Variants in GULP1 observed in about 807,000 individuals in gnomAD.
The protein encoded by GULP1 is PTB domain-containing engulfment adapter protein 1.
In GULP1, 19 loss-of-function variants were observed where a neutral mutation model predicts 40.9. The observed-to-expected ratio is 0.46, with a 90% confidence interval of 0.32 to 0.68. The LOEUF (loss-of-function observed/expected upper bound fraction) is 0.68. Among genes scored for constraint, GULP1 ranks in the 30% least tolerant of loss-of-function variants. The pLI is 0.03. For synonymous variants in GULP1, 119 were observed against 117.6 expected (o/e 1.01, Z -0.08); for missense variants, 312 against 362.2 (o/e 0.86, Z 1.12).
chr2:188,416,386 G>A (rs543212718), intron 2 of GULP1, among the ~76,000 whole-genome samples: 70 of 152,186 alleles, frequency 4.6e-4, no homozygotes, highest in African/African-American at 1.7e-3. Context: ...TTCAATGACT[G>A]AAATCACTGA....
intron 9 of GULP1, among the ~76,000 whole-genome samples, chr2:188,582,813 T>C (rs1010105080): frequency 7.2e-5 from 11 of 152,144 alleles, no homozygotes; most frequent in Non-Finnish European, 4.4e-5. Context: ...GATGTTGCAG[T>C]TGGGAAATTA....
chr2:188,478,778 T>A (rs1288869648), intron 3 of GULP1, among the ~76,000 whole-genome samples: 3 of 152,158 alleles, frequency 2.0e-5, no homozygotes, highest in African/African-American at 7.2e-5. Context: ...TCAAAGGCTC[T>A]GTGTCATTTT....
At chr2:188,435,532 A>G (rs2057326036) in intron 2 of GULP1, among the ~76,000 whole-genome samples, 2 of 152,046 alleles carry the variant, frequency 1.3e-5, no homozygotes, top group African/African-American at 4.8e-5. Flanking sequence ...ATGCCACATG[A>G]TACACTTGGC....
chr2:188,584,656 A>G (rs984128861), intron 10 of GULP1, among the ~76,000 whole-genome samples: 2 of 151,814 alleles, frequency 1.3e-5, no homozygotes, highest in South Asian at 4.2e-4. Context: ...GTATTACTTC[A>G]TATTTAATTA....
At chr2:188,304,118 A>G (rs920266756) in intron 1 of GULP1, among the ~76,000 whole-genome samples, 4 of 152,144 alleles carry the variant, frequency 2.6e-5, no homozygotes, top group African/African-American at 9.7e-5. Flanking sequence ...AAGAGTTTGG[A>G]AATTATAGTA....
chr2:188,348,124 TGA>T (rs2043944044), intron 1 of GULP1, among the ~76,000 whole-genome samples: 1 of 152,188 alleles, frequency 6.6e-6, no homozygotes, highest in Admixed American at 6.5e-5. Flanking sequence ...ATAAAGCAAT[TGA>T]AAAACGTGTT....
chr2:188,589,652 A>G (rs1703119394), intron 11 of GULP1: 1 of 596,948 alleles, frequency 1.7e-6, no homozygotes, highest in Non-Finnish European at 2.8e-6. Context: ...GGTGACACTC[A>G]ATGTTAAACC....
chr2:188,523,869 A>G (rs572764876), intron 5 of GULP1, among the ~76,000 whole-genome samples: 27 of 152,200 alleles, frequency 1.8e-4, no homozygotes, highest in Non-Finnish European at 3.5e-4. Flanking sequence ...TATTTTACTA[A>G]TCGTTTTAAG....
At chr2:188,297,011 A>G (rs2035101419) in intron 1 of GULP1, among the ~76,000 whole-genome samples, 1 of 151,804 alleles carries the variant, frequency 6.6e-6, no homozygotes, top group South Asian at 2.1e-4. Context: ...ATACATATAT[A>G]TTCTTTGATG....
chr2:188,347,645 GCT>G (rs1310894459), intron 1 of GULP1, among the ~76,000 whole-genome samples: 2 of 128,670 alleles, frequency 1.6e-5, no homozygotes, highest in East Asian at 4.7e-4. Flanking sequence ...ACAGGGTCTT[GCT>G]CTGTCACCCA....
At chr2:188,437,522 T>C (rs890072045) in intron 2 of GULP1, among the ~76,000 whole-genome samples, 1 of 152,112 alleles carries the variant, frequency 6.6e-6, no homozygotes, top group Non-Finnish European at 1.5e-5. Context: ...AAATAATGTT[T>C]AGTAGTTCTG....
At chr2:188,319,774 T>C (rs1196873819) in intron 1 of GULP1, among the ~76,000 whole-genome samples, 1 of 152,180 alleles carries the variant, frequency 6.6e-6, no homozygotes, top group East Asian at 1.9e-4. Context: ...TAAATACTTA[T>C]TACAAAACTT....
intron 2 of GULP1, among the ~76,000 whole-genome samples, chr2:188,431,887 T>G (rs1312609317): frequency 6.6e-6 from 1 of 151,908 alleles, no homozygotes; most frequent in Non-Finnish European, 1.5e-5. Flanking sequence ...TACTGGTTTC[T>G]TTTTCATTTG....
chr2:188,351,014 C>A (rs2044374824), intron 1 of GULP1, among the ~76,000 whole-genome samples: 1 of 151,850 alleles, frequency 6.6e-6, no homozygotes, highest in South Asian at 2.1e-4. Flanking sequence ...ATTGGGGAAA[C>A]TAATATGATG....
intron 1 of GULP1, among the ~76,000 whole-genome samples, chr2:188,348,898 A>G (rs1374668832): frequency 6.6e-6 from 1 of 152,204 alleles, no homozygotes; most frequent in Non-Finnish European, 1.5e-5. Context: ...CTAAGTATGA[A>G]CCGATTTTGC....
intron 1 of GULP1, among the ~76,000 whole-genome samples, chr2:188,324,022 C>T (rs935238000): frequency 6.6e-6 from 1 of 151,478 alleles, no homozygotes; most frequent in Admixed American, 6.6e-5. Context: ...TACTAATTTG[C>T]TTTTATGCCT....
intron 11 of GULP1, chr2:188,593,606 T>G (rs934678124): frequency 1.5e-4 from 24 of 157,280 alleles, no homozygotes; most frequent in Non-Finnish European, 1.8e-4. Context: ...TTAATAATAA[T>G]TTTTAAAGCT....
At chr2:188,558,237 G>A (rs1048874730) in intron 7 of GULP1, among the ~76,000 whole-genome samples, 22 of 152,102 alleles carry the variant, frequency 1.4e-4, no homozygotes, top group African/African-American at 4.8e-4. Context: ...TGTTGTGGAC[G>A]GAACCCAGTG....
At chr2:188,535,091 ATTAT>A (rs1357988475) in intron 6 of GULP1, among the ~76,000 whole-genome samples, 34 of 151,242 alleles carry the variant, frequency 2.2e-4, no homozygotes, top group Non-Finnish European at 3.4e-4. Context: ...TATTAAAGTA[ATTAT>A]TTAATGTTTA....
Sources: allele counts gnomAD v4.1 joint callset (sites outside exome capture counted in the v4.1 genomes callset), GRCh38; gene constraint gnomAD v4.1.1; transcripts MANE v1.5; gene names NCBI Gene and HGNC (gene_info 2026-07-23, HGNC 2026-07-21).